The following UTP20 variants were observed in gnomAD, a reference collection of about 807,000 sequenced individuals.
The protein encoded by UTP20 is small subunit processome component 20 homolog.
UTP20 carries 164 observed loss-of-function variants against 329.5 expected under a neutral mutation model. The ratio of observed to expected loss-of-function variants is 0.50; its 90% CI spans 0.44 to 0.57. The LOEUF (loss-of-function observed/expected upper bound fraction) is 0.57, where lower values mean the gene tolerates loss of function less well. UTP20 is among the 20% of genes least tolerant of loss of function. UTP20 has a pLI of 0.00. For missense variants in UTP20, 3,055 were observed against 3,284.2 expected, an observed-to-expected ratio of 0.93 and a Z score of 1.71; for synonymous variants, 1,151 against 1,159.3, an observed-to-expected ratio of 0.99 and a Z score of 0.14.
At position 101,317,587 on chromosome 12, in the gene UTP20, G is replaced by A; in HGVS notation, c.2662G>A (p.Asp888Asn). ...EIEEEPAAGD[D>N]EELEEEAVPQ... is the part of the protein sequence containing the mutation. Reference sequence around the variant, plus strand: ...CGAAGAGGAACCTGCCGCAGGAGATGATGAAGAGTTGGAGGAAGAGGCAGT... The same window carrying A: ...CGAAGAGGAACCTGCCGCAGGAGATAATGAAGAGTTGGAGGAAGAGGCAGT... Residue 888 changes from aspartate to asparagine, a missense_variant, in exon 22 of 62, where the codon GAT becomes AAT. Around this residue, in one of 3 missense-constraint regions of UTP20, gnomAD observed 2,445 missense variants for 2,575.5 expected, o/e 0.95. Transcript: ENST00000261637. 6.2e-7 allele frequency: 1 copy of A among 1,614,152 alleles called. No homozygotes were observed. Among genetic ancestry groups the A allele is most frequent in the African/African-American group, 1.3e-5 (1 of 75,052 alleles).
At position 101,317,590 on chromosome 12, in the gene UTP20, G is replaced by A. The variant is rs1346532020; in HGVS notation, c.2665G>A (p.Glu889Lys). 1 of 1,614,178 alleles carries A rather than the reference G, an allele frequency of 6.2e-7. No individual in the cohort carries two copies. Among genetic ancestry groups the A allele is most frequent in the Admixed American group, 1.7e-5 (1 of 60,024 alleles). The change falls in exon 22 of 62, where the codon GAA (glutamate) becomes AAA (lysine). Residue 889 changes from glutamate (E) to lysine (K), a missense_variant. Physicochemically the swap from Glu to Lys is moderately conservative, Grantham distance 56. This residue lies in a region of UTP20 where 2,445 missense variants were observed against 2,575.5 expected (regional missense o/e 0.95). Transcript: ENST00000261637. Reference protein sequence around the residue: ...IEEEPAAGDDEELEEEAVPQD... With the variant: ...IEEEPAAGDDKELEEEAVPQD... The stretch of plus-strand genomic sequence containing the variant: ...AGAGGAACCTGCCGCAGGAGATGAT[G>A]AAGAGTTGGAGGAAGAGGCAGTGCC...
At chr12:101,328,714 C>T (rs1868647628) in intron 26 of UTP20, among the ~76,000 whole-genome samples, 1 of 151,904 alleles carries the variant, frequency 6.6e-6, no homozygotes. Context: ...ACTAAAAATA[C>T]AAAAACCAGC....
rs371169531 is a variant in UTP20, at chr12:101,315,410, G to T, written c.2553-2068G>T. On this transcript the variant is annotated intron_variant, in intron 21 of 61. Transcript: ENST00000261637. ...GAGGCAGAAGAATCGCTTGAACCCA[G>T]GAGGCAGAGGTTGCAATGAGCTGAG... 4.6e-5 allele frequency among the ~76,000 whole-genome samples: 7 copies of T among 152,030 alleles called. No individual in the cohort carries two copies. In the East Asian group the frequency reaches 7.8e-4, roughly 17 times the overall value.
In UTP20 at chr12:101,353,138, C is replaced by G; in HGVS notation, c.5107+9C>G. The G allele has an allele frequency of 6.6e-7, 1 of 1,515,692 alleles. No homozygotes were observed. Among genetic ancestry groups the G allele is most frequent in the Non-Finnish European group, 9.1e-7 (1 of 1,098,562 alleles). 93.9% of individuals were successfully genotyped at this position (1,515,692 alleles called of 1,614,324 possible). Reference sequence around the variant, plus strand: ...AATTGAGAATGAAGAAAGTAAGTTTCTTAAACTTTCTTAAACAAGATTTTC... The same window carrying G: ...AATTGAGAATGAAGAAAGTAAGTTTGTTAAACTTTCTTAAACAAGATTTTC... On this transcript the variant is annotated intron_variant, in intron 40 of 61. Transcript: ENST00000261637.
chr12:101,381,409 C>T (rs1019134916), intron 58 of UTP20, among the ~76,000 whole-genome samples, 198 bp downstream of exon 58: 19 of 152,300 alleles, frequency 1.2e-4, no homozygotes, highest in African/African-American at 4.3e-4. Flanking sequence ...GTTGCGGGTG[C>T]CTGTAATCCG....
At chr12:101,347,426 G>C (rs745466848) in intron 38 of UTP20, among the ~76,000 whole-genome samples, 2 of 152,126 alleles carry the variant, frequency 1.3e-5, no homozygotes, top group Non-Finnish European at 2.9e-5. Context: ...GGGAGGCTGA[G>C]GCAGGAGGAT....
chr12:101,308,957 T>G (rs926387454), intron 18 of UTP20, among the ~76,000 whole-genome samples: 1 of 151,936 alleles, frequency 6.6e-6, no homozygotes, highest in African/African-American at 2.4e-5. Flanking sequence ...ATGGTCTTGA[T>G]CTCCTGACCT....
chr12:101,378,234 T>C (rs185812116), intron 56 of UTP20, among the ~76,000 whole-genome samples: 1 of 152,324 alleles, frequency 6.6e-6, no homozygotes, highest in East Asian at 1.9e-4. Flanking sequence ...AGATGGAAAT[T>C]ATAATTCCAA....
chr12:101,340,742 GA>G, intron 32 of UTP20, 132 bp downstream of exon 32: 1 of 616,198 alleles, frequency 1.6e-6, no homozygotes. Context: ...ACTTTATATA[GA>G]AATTAAAAAA....
In UTP20 at chr12:101,367,984, TC is replaced by T; in HGVS notation, c.6384+9del. On this transcript the variant is annotated intron_variant, in intron 48 of 61. Coordinates refer to ENST00000261637, the MANE Select transcript of UTP20 (RefSeq NM_014503.3). ...GGCTCCATGGATGTGAAGGTAAGCA[TC>T]GGTTTGCACTCTGCATTGGAGCATT... is the stretch of plus-strand genomic sequence containing the variant. 6.3e-7 allele frequency: 1 copy of T among 1,578,582 alleles called. No homozygotes were observed. The highest frequency in any genetic ancestry group is 8.7e-7 in the Non-Finnish European group (1 of 1,147,818).
chr12:101,373,040 A>G, intron 52 of UTP20, 77 bp downstream of exon 52: 1 of 1,197,460 alleles, frequency 8.4e-7, no homozygotes, highest in Non-Finnish European at 1.2e-6. Flanking sequence ...TGTCTTAAAA[A>G]GGATGGGGCC....
Position 101,320,860 on chromosome 12 carries a change from A to ACACCAAGAT in UTP20, c.2841_2849dup (p.His947_Asp949dup), listed in dbSNP as rs572904625. The ACACCAAGAT allele has an allele frequency of 1.2e-6, 2 of 1,610,794 alleles. No individual in the cohort carries two copies. Among genetic ancestry groups the ACACCAAGAT allele is most frequent in the Non-Finnish European group, 1.7e-6 (2 of 1,179,296 alleles). On this transcript the variant is annotated inframe_insertion, in exon 24 of 62. Coordinates refer to ENST00000261637, the MANE Select transcript of UTP20 (RefSeq NM_014503.3). ...TAAAATACTGTTCTTAGTTGTTGCT[A>ACACCAAGAT]CACCAAGATCAAATGGTGCAAAAAA...
At chr12:101,381,927 G>A (rs1870658200) in intron 58 of UTP20, among the ~76,000 whole-genome samples, 1 of 148,082 alleles carries the variant, frequency 6.8e-6, no homozygotes, top group African/African-American at 2.5e-5. Context: ...GCTGAGGCAA[G>A]AGACTCACTT....
At chr12:101,326,865 AG>A (rs1565794653) in intron 25 of UTP20, 1 of 362,030 alleles carries the variant, frequency 2.8e-6, no homozygotes, top group African/African-American at 2.1e-5. Flanking sequence ...CTGGGACTAC[AG>A]GCACGTAGCA....
chr12:101,314,089 T>C (rs1416564939), intron 21 of UTP20, among the ~76,000 whole-genome samples: 3 of 152,120 alleles, frequency 2.0e-5, no homozygotes, highest in Non-Finnish European at 4.4e-5. Context: ...GAAAAGACTT[T>C]CAGGGACTGA....
intron 38 of UTP20, among the ~76,000 whole-genome samples, chr12:101,347,916 C>T (rs1033046006): frequency 2.6e-5 from 4 of 152,208 alleles, no homozygotes; most frequent in Admixed American, 6.5e-5. Flanking sequence ...GCAACCTCCA[C>T]CTCCCAGGTT....
chr12:101,379,400 C>G lies in UTP20; in HGVS notation c.7426C>G (p.His2476Asp). 6.2e-7 allele frequency: 1 copy of G among 1,612,784 alleles called. No individual in the cohort carries two copies. The highest frequency in any genetic ancestry group is 8.5e-7 in the Non-Finnish European group (1 of 1,179,104). ...SHVHSHLRHPHNWVWLTAAQI... is the reference protein window; with the variant it reads ...SHVHSHLRHPDNWVWLTAAQI... ...TGTGCATTCTCACCTGAGACATCCA[C>G]ACAACTGGGTGTGGCTCACAGCAGC... is the stretch of plus-strand genomic sequence containing the variant. The change falls in exon 57 of 62, where the codon CAC becomes GAC. Residue 2476 changes from histidine (H) to aspartate (D), a missense_variant. Transcript: ENST00000261637.
At chr12:101,362,118 A>T in intron 44 of UTP20, 58 bp downstream of exon 44, 1 of 1,229,474 alleles carries the variant, frequency 8.1e-7, no homozygotes, top group Non-Finnish European at 1.2e-6. Flanking sequence ...GACACAAAAA[A>T]ATCAATTCAC....
intron 11 of UTP20, among the ~76,000 whole-genome samples, chr12:101,293,685 T>G (rs1328427535): frequency 6.6e-6 from 1 of 152,200 alleles, no homozygotes. Flanking sequence ...CCCTACAGTA[T>G]ACATCATGGA....
Sources: gnomAD v4.1 joint callset for allele counts (sites outside exome capture counted in the v4.1 genomes callset) on GRCh38, gnomAD v4.1.1 for gene constraint, gnomAD v4.1.1 regional missense constraint, MANE v1.5 for transcripts, NCBI Gene and HGNC (gene_info 2026-07-23, HGNC 2026-07-21) for gene names.